The following HECTD4 variants were observed in gnomAD, a reference collection of about 807,000 sequenced individuals.
HECTD4 encodes the protein probable E3 ubiquitin-protein ligase HECTD4.
A neutral mutation model predicts 471.5 loss-of-function variants in HECTD4; 114 were observed. That is an observed-to-expected ratio of 0.24 (90% confidence interval 0.21 to 0.28). HECTD4 has a LOEUF of 0.28. Among genes scored for constraint, HECTD4 ranks in the 10% least tolerant of loss-of-function variants. HECTD4 has a pLI of 1.00. For missense variants in HECTD4, 3,866 were observed against 5,651.5 expected, an observed-to-expected ratio of 0.68 and a Z score of 10.13; for synonymous variants, 2,012 against 2,256.0, an observed-to-expected ratio of 0.89 and a Z score of 3.07.
At chr12:112,350,785 T>TGTGCCAG (rs1377670283) in intron 1 of HECTD4, among the ~76,000 whole-genome samples, 1 of 152,198 alleles carries the variant, frequency 6.6e-6, no homozygotes, top group Admixed American at 6.5e-5. Flanking sequence ...TTGCTCTGAT[T>TGTGCCAG]TATGGTGCCA....
chr12:112,337,124 T>C (rs1252368379), intron 1 of HECTD4, among the ~76,000 whole-genome samples: 1 of 152,214 alleles, frequency 6.6e-6, no homozygotes, highest in African/African-American at 2.4e-5. Context: ...GACTCAAAAC[T>C]GTTTATAAAC....
At chr12:112,362,782 G>C (rs909330050) in intron 1 of HECTD4, among the ~76,000 whole-genome samples, 1 of 151,622 alleles carries the variant, frequency 6.6e-6, no homozygotes, top group Non-Finnish European at 1.5e-5. Flanking sequence ...GCTCACTGCA[G>C]CCTCAAACTT....
chr12:112,228,928 T>G lies in HECTD4; in HGVS notation c.6520-117A>C. On this transcript the variant is annotated intron_variant, in intron 41 of 75. Transcript: ENST00000682272. The surrounding 1 kb of genome is among the most constrained non-coding windows in gnomAD (Gnocchi z 4.9). ...TCATTGTTGGCGTTACAGTAATAGT[T>G]TATACTACTAGGGTAGCAGATACCA... The G allele has an allele frequency of 1.0e-6, 1 of 982,634 alleles. No homozygotes were observed. The highest frequency in any genetic ancestry group is 1.6e-6 in the Non-Finnish European group (1 of 638,686). 60.9% of individuals were successfully genotyped at this position (982,634 alleles called of 1,614,324 possible).
Position 112,179,268 on chromosome 12 carries a change from T to C in HECTD4, c.11117A>G (p.Glu3706Gly). Residue 3706 changes from glutamate to glycine, a missense_variant, in exon 63 of 76, where the codon GAG becomes GGG. Transcript: ENST00000682272. This position sits in a 1 kb window ranked among gnomAD's most constrained non-coding sequence, Gnocchi z 4.3. Reference protein sequence around the residue: ...IRVSDIYLSKEQINSQTPGNL... With the variant: ...IRVSDIYLSKGQINSQTPGNL... Reference sequence around the variant, plus strand: ...GCCTGGGGTCTGGGAGTTGATCTGCTCTTTGCTAAGATAAATGTCAGAGAC... The same window carrying C: ...GCCTGGGGTCTGGGAGTTGATCTGCCCTTTGCTAAGATAAATGTCAGAGAC... The C allele has an allele frequency of 6.2e-7, 1 of 1,613,746 alleles. No homozygotes were observed. The highest frequency in any genetic ancestry group is 8.5e-7 in the Non-Finnish European group (1 of 1,179,794).
intron 1 of HECTD4, among the ~76,000 whole-genome samples, chr12:112,324,811 A>G (rs1232925142): frequency 6.6e-6 from 1 of 152,188 alleles, no homozygotes; most frequent in Non-Finnish European, 1.5e-5. Context: ...ATAAACATCT[A>G]AACAAATAAT....
intron 7 of HECTD4, among the ~76,000 whole-genome samples, chr12:112,301,071 A>G (rs2035154299): frequency 1.4e-5 from 2 of 148,078 alleles, no homozygotes; most frequent in African/African-American, 5.0e-5. Context: ...TATTTTTAGT[A>G]GAGACGGGGT....
intron 7 of HECTD4, among the ~76,000 whole-genome samples, chr12:112,289,877 A>G (rs1427822958): frequency 2.0e-5 from 3 of 151,832 alleles, no homozygotes; most frequent in Non-Finnish European, 4.4e-5. Context: ...GGGTTTCACC[A>G]TGTTGGCCAG....
At position 112,200,677 on chromosome 12, in the gene HECTD4, C is replaced by G. The variant is rs1286977398; in HGVS notation, c.8528G>C (p.Gly2843Ala). 2.5e-6 allele frequency: 4 copies of G among 1,613,732 alleles called. No individual in the cohort carries two copies. The highest frequency in any genetic ancestry group is 1.3e-5 in the African/African-American group (1 of 74,874). The change falls in exon 55 of 76, where the codon GGG (glycine) becomes GCG (alanine). Residue 2843 changes from glycine (G) to alanine (A), a missense_variant. Physicochemically the swap from Gly to Ala is moderately conservative, Grantham distance 60. Coordinates refer to ENST00000682272, the MANE Select transcript of HECTD4 (RefSeq NM_001388303.1). Reference sequence around the variant, plus strand: ...GTTGGTATTGTCCAGTGTGACCAGCCCATTGGTGGCAGTCCTTCGGTAGCC... The same window carrying G: ...GTTGGTATTGTCCAGTGTGACCAGCGCATTGGTGGCAGTCCTTCGGTAGCC... ...PAGYRRTATN[G>A]LVTLDNTNLQ...
chr12:112,382,327 T>C lies in HECTD4; in HGVS notation c.-199A>G, dbSNP rs1364768447. On this transcript the variant is annotated 5_prime_UTR_variant, in exon 1 of 76. Transcript: ENST00000682272. The stretch of plus-strand genomic sequence containing the variant: ...ACCCCGGCCCGGGAGACCCCGGCCC[T>C]GCCGCCGCCGCCGCCGCCGCCGCCG... The C allele has an allele frequency of 1.7e-5, 6 of 356,028 alleles. No individual in the cohort carries two copies. Among genetic ancestry groups the C allele is most frequent in the East Asian group, 6.7e-5 (1 of 14,912 alleles). The allele number at this position is 356,028 out of a possible 1,614,324, so 22.1% of individuals were successfully genotyped here. A position where few individuals can be genotyped will look rare whatever the true frequency, so the allele number is the denominator to read the frequency against.
intron 46 of HECTD4, 53 bp downstream of exon 46, chr12:112,216,981 T>C: frequency 6.3e-7 from 1 of 1,595,670 alleles, no homozygotes; most frequent in Non-Finnish European, 8.6e-7. Context: ...TGAGACCTGC[T>C]TTTTCTTTCA....
At chr12:112,189,664 C>T (rs1258489185) in intron 60 of HECTD4, among the ~76,000 whole-genome samples, 2 of 152,060 alleles carry the variant, frequency 1.3e-5, no homozygotes, top group Non-Finnish European at 2.9e-5. Flanking sequence ...CTCCAGCTCA[C>T]CAAAGTCCCC....
chr12:112,342,050 T>C (rs1005800110), intron 1 of HECTD4, among the ~76,000 whole-genome samples: 3 of 152,234 alleles, frequency 2.0e-5, no homozygotes, highest in Non-Finnish European at 4.4e-5. Context: ...CACTTTTTGA[T>C]ATATGAAATG....
chr12:112,271,519 T>C (rs1566094494), intron 11 of HECTD4, among the ~76,000 whole-genome samples: 1 of 152,230 alleles, frequency 6.6e-6, no homozygotes, highest in Non-Finnish European at 1.5e-5. Flanking sequence ...TTCTGTGGTA[T>C]TCTTCCCCCA....
intron 1 of HECTD4, among the ~76,000 whole-genome samples, chr12:112,324,070 C>A (rs551902713): frequency 1.9e-4 from 16 of 82,660 alleles, no homozygotes; most frequent in Non-Finnish European, 2.9e-4. Context: ...TTCTTTCTTT[C>A]TTTCTTTCTT....
chr12:112,248,867 G>A (rs1277787374), intron 25 of HECTD4, among the ~76,000 whole-genome samples: 2 of 152,216 alleles, frequency 1.3e-5, no homozygotes, highest in Non-Finnish European at 2.9e-5. Context: ...TTACAGGCAT[G>A]AGCCACCATG....
chr12:112,290,867 A>C lies in HECTD4; in HGVS notation c.1336-7565T>G, dbSNP rs766514126. On this transcript the variant is annotated intron_variant, in intron 7 of 75. Coordinates refer to ENST00000682272, the MANE Select transcript of HECTD4 (RefSeq NM_001388303.1). The stretch of plus-strand genomic sequence containing the variant: ...CCGTCTCAAAAAAAAACAAAACAAA[A>C]AAAAAAAACAAATCACAGATAGTTT... Among the ~76,000 whole-genome samples, 41 of 147,184 alleles carry C rather than the reference A, an allele frequency of 2.8e-4. 1 individual carries two copies. The highest frequency in any genetic ancestry group is 2.4e-4 in the Non-Finnish European group (16 of 67,560).
Position 112,265,926 on chromosome 12 carries a change from T to C in HECTD4, c.2450A>G (p.Glu817Gly), listed in dbSNP as rs768402517. Reference sequence around the variant, plus strand: ...GCCAAATCGGTTGTTTTGGAGCTGTTCAGCCAGGTTGGTTAGGATCACATC... The same window carrying C: ...GCCAAATCGGTTGTTTTGGAGCTGTCCAGCCAGGTTGGTTAGGATCACATC... The part of the protein sequence containing the change: ...LRDVILTNLA[E>G]QLQNNRFGSD... The change falls in exon 15 of 76, where the codon GAA becomes GGA. Residue 817 changes from glutamate (E) to glycine (G), a missense_variant. This residue lies in a region of HECTD4 where 525 missense variants were observed against 672.6 expected (regional missense o/e 0.78). Coordinates refer to ENST00000682272, the MANE Select transcript of HECTD4 (RefSeq NM_001388303.1). The C allele has an allele frequency of 3.1e-6, 5 of 1,613,926 alleles. No homozygotes were observed. Among genetic ancestry groups the C allele is most frequent in the Non-Finnish European group, 4.2e-6 (5 of 1,179,898 alleles).
chr12:112,255,915 T>C (rs533900769), intron 21 of HECTD4, among the ~76,000 whole-genome samples: 5 of 152,200 alleles, frequency 3.3e-5, no homozygotes, highest in Admixed American at 1.3e-4. Context: ...AGCCACCTTT[T>C]CCCAAAAGAT....
Position 112,179,425 on chromosome 12 carries a change from T to C in HECTD4, c.10988-28A>G. 3 of 1,577,998 alleles carry C rather than the reference T, an allele frequency of 1.9e-6. No homozygotes were observed. The highest frequency in any genetic ancestry group is 1.7e-6 in the Non-Finnish European group (2 of 1,155,502). ...GTTGGATGGAGAGGGGGCAAAACAA[T>C]TCTGCCGTGAACATGCATCGGGACA... On this transcript the variant is annotated intron_variant, in intron 62 of 75. Coordinates refer to ENST00000682272, the MANE Select transcript of HECTD4 (RefSeq NM_001388303.1). This position sits in a 1 kb window ranked among gnomAD's most constrained non-coding sequence, Gnocchi z 4.3.
Sources: gnomAD v4.1 joint callset for allele counts (sites outside exome capture counted in the v4.1 genomes callset) on GRCh38, gnomAD v4.1.1 for gene constraint, gnomAD v4.1.1 regional missense constraint, Gnocchi (gnomAD v3.1) non-coding constraint, MANE v1.5 for transcripts, NCBI Gene and HGNC (gene_info 2026-07-23, HGNC 2026-07-21) for gene names.